ARHGAP36: variants seen among roughly 807,000 people sequenced by gnomAD.
The protein encoded by ARHGAP36 is rho GTPase-activating protein 36.
A neutral mutation model predicts 32.9 loss-of-function variants in ARHGAP36; 7 were observed. The observed-to-expected ratio is 0.21, with a 90% CI of 0.12 to 0.40. The LOEUF (loss-of-function observed/expected upper bound fraction) is 0.40, where lower values mean the gene tolerates loss of function less well. Ranked by LOEUF, ARHGAP36 falls within the 10% of genes least tolerant of loss-of-function variation. The pLI is 1.00. For missense variants in ARHGAP36, 383 were observed against 442.2 expected (o/e 0.87, Z 1.20); for synonymous variants, 165 against 168.3 (o/e 0.98, Z 0.15).
In ARHGAP36 at chrX:131,086,322, C is replaced by T. The variant is rs770715150; in HGVS notation, c.1282-7C>T. ...ATGATGGCTAATGTTGCTAATTCTA[C>T]CCTCAGGTGCCTCCCCATATTCAGA... On this transcript the variant is annotated splice_region_variant and splice_polypyrimidine_tract_variant and intron_variant, in intron 9 of 11. Transcript: ENST00000276211. 8.3e-7 allele frequency: 1 copy of T among 1,209,917 alleles called. No individual in the cohort carries two copies. The highest frequency in any genetic ancestry group is 1.7e-5 in the African/African-American group (1 of 57,714).
At position 131,085,010 on chromosome X, in the gene ARHGAP36, A is replaced by G. The variant is rs2079827005; in HGVS notation, c.901A>G (p.Met301Val). 1 of 1,211,625 alleles carries G rather than the reference A, an allele frequency of 8.3e-7. No homozygotes were observed. Among genetic ancestry groups the G allele is most frequent in the East Asian group, 3.0e-5 (1 of 33,821 alleles). ...AALLKEFFRD[M>V]KDSLLPDDLY... ...ACTCCTCAAGGAGTTTTTCCGTGAC[A>G]TGAAGGATTCTCTGCTGCCAGATGA... The change falls in exon 7 of 12, where the codon ATG (methionine) becomes GTG (valine). Residue 301 changes from methionine (M) to valine (V), a missense_variant. Physicochemically the swap from Met to Val is conservative, Grantham distance 21. Transcript: ENST00000276211.
rs767544389 is a variant in ARHGAP36, at chrX:131,081,626, C to T, written c.-40C>T. On this transcript the variant is annotated 5_prime_UTR_variant, in exon 2 of 12. Transcript: ENST00000276211. ...TAGTTCTCTCCACCAGGTCCAGTGA[C>T]AATTGGATGATGCAGCCTTGATAAT... The T allele has an allele frequency of 8.3e-6, 9 of 1,089,717 alleles. No individual in the cohort carries two copies. The South Asian group carries it at 1.7e-4, about 21-fold the overall frequency. The allele number at this position is 1,089,717 out of a possible 1,213,427, so 89.8% of individuals were successfully genotyped here.
intron 6 of ARHGAP36, 61 bp from the exon 7 acceptor site, chrX:131,084,853 A>C (rs758632079): frequency 8.4e-7 from 1 of 1,193,327 alleles, no homozygotes; most frequent in Non-Finnish European, 1.1e-6. Flanking sequence ...CTGTTGAAGG[A>C]ATGACCAAGA....
rs1485970316 is a variant in ARHGAP36 at position 131,081,796 on chromosome X, A to G, written c.131A>G (p.Asp44Gly). The G allele has an allele frequency of 4.1e-6, 5 of 1,210,186 alleles. No individual in the cohort carries two copies. In the East Asian group the frequency reaches 1.5e-4, roughly 36 times the overall value. Residue 44 changes from aspartate (D) to glycine (G), a missense_variant, in exon 2 of 12, where the codon GAC becomes GGC. Transcript: ENST00000276211. The part of the protein sequence containing the change: ...VLGGAPGHNP[D>G]RRTKMVSIHS... ...GGAGGAGCCCCAGGACACAACCCCG[A>G]CCGCAGGACGAAGATGGTATCGATA...
intron 11 of ARHGAP36, among the ~76,000 whole-genome samples, chrX:131,088,326 G>A (rs770704905): frequency 1.8e-5 from 2 of 111,993 alleles, no homozygotes; most frequent in African/African-American, 3.2e-5. Flanking sequence ...TTAGGAGGTC[G>A]CCCTCTTACC....
intron 1 of ARHGAP36, among the ~76,000 whole-genome samples, chrX:131,062,447 G>A (rs1431376000): frequency 9.0e-6 from 1 of 111,039 alleles, no homozygotes; most frequent in East Asian, 2.8e-4. Context: ...CCTAATTTTA[G>A]TTTAAATGTA....
At chrX:131,063,360 C>G (rs1450595345) in intron 1 of ARHGAP36, among the ~76,000 whole-genome samples, 1 of 111,584 alleles carries the variant, frequency 9.0e-6, no homozygotes, top group Non-Finnish European at 1.9e-5. Flanking sequence ...ATATCTGGAA[C>G]CCCTGCTCTA....
chrX:131,083,725 G>C lies in ARHGAP36; in HGVS notation c.320-9G>C. On this transcript the variant is annotated splice_polypyrimidine_tract_variant and intron_variant, in intron 3 of 11. Transcript: ENST00000276211. ...GACGTTTCTCATTCTTTCTCTCGTGGCTCCCCAGCTGTATCACACAAGACA... is the reference window on the plus strand; with the variant it reads ...GACGTTTCTCATTCTTTCTCTCGTGCCTCCCCAGCTGTATCACACAAGACA... The C allele has an allele frequency of 8.3e-7, 1 of 1,203,489 alleles. No individual in the cohort carries two copies. Among genetic ancestry groups the C allele is most frequent in the Non-Finnish European group, 1.1e-6 (1 of 888,297 alleles).
intron 7 of ARHGAP36, among the ~76,000 whole-genome samples, chrX:131,085,381 G>A (rs762649518): frequency 1.8e-5 from 2 of 108,955 alleles, no homozygotes; most frequent in Admixed American, 1.9e-4. Context: ...AACCACCCAG[G>A]TTCTGTAGAG....
chrX:131,083,154 T>C lies in ARHGAP36; in HGVS notation c.254-11T>C, dbSNP rs765846360. 5.0e-6 allele frequency: 6 copies of C among 1,207,042 alleles called. No homozygotes were observed. Among genetic ancestry groups the C allele is most frequent in the African/African-American group, 3.5e-5 (2 of 57,368 alleles). On this transcript the variant is annotated splice_polypyrimidine_tract_variant and intron_variant, in intron 2 of 11. Transcript: ENST00000276211. ...TTGTAAGTGTATCTTTTCTTTTTTC[T>C]CTTTCTGTAGCTCTGCCTATTGACC... is the stretch of plus-strand genomic sequence containing the variant.
At chrX:131,083,270 A>T (rs1370106912) in intron 3 of ARHGAP36, 40 bp downstream of exon 3, 1 of 1,158,535 alleles carries the variant, frequency 8.6e-7, no homozygotes, top group East Asian at 3.0e-5. Flanking sequence ...AAGAAATAGA[A>T]TGCTAACCCC....
At chrX:131,075,884 C>T (rs1178914793) in intron 1 of ARHGAP36, among the ~76,000 whole-genome samples, 1 of 111,221 alleles carries the variant, frequency 9.0e-6, no homozygotes, top group African/African-American at 3.3e-5. Context: ...GTTCCCAGAT[C>T]ATATTCCTCC....
At chrX:131,077,764 CATATATATATATATATAT>C (rs72142237) in intron 1 of ARHGAP36, among the ~76,000 whole-genome samples, 23 of 87,026 alleles carry the variant, frequency 2.6e-4, no homozygotes, top group East Asian at 8.0e-4. Context: ...CAAATAAAAT[CATATATATATATATATAT>C]ATATATATAT....
intron 1 of ARHGAP36, among the ~76,000 whole-genome samples, chrX:131,064,506 C>A (rs2079686965): frequency 8.9e-6 from 1 of 111,994 alleles, no homozygotes; most frequent in Admixed American, 9.4e-5. Context: ...AATTAACTAA[C>A]CTTTTCTTAA....
chrX:131,084,635 C>T lies in ARHGAP36; in HGVS notation c.758C>T (p.Ala253Val), dbSNP rs2079824494. ...CQFIEKHGLSAVGIFTLEYSV... is the reference protein window; with the variant it reads ...CQFIEKHGLSVVGIFTLEYSV... ...TGGTCTTTTCTTTCAGGCTTAAGCG[C>T]AGTGGGGATTTTTACCCTTGAATAC... The change falls in exon 6 of 12, where the codon GCA becomes GTA. Residue 253 changes from alanine to valine, a missense_variant. By Grantham distance (64) the Ala-to-Val change is moderately conservative. Around this residue, in one of 2 missense-constraint regions of ARHGAP36, gnomAD observed 227 missense variants for 311.3 expected, o/e 0.73. Coordinates refer to ENST00000276211, the MANE Select transcript of ARHGAP36 (RefSeq NM_144967.4). The T allele has an allele frequency of 8.3e-7, 1 of 1,211,625 alleles. No homozygotes were observed. Among genetic ancestry groups the T allele is most frequent in the Non-Finnish European group, 1.1e-6 (1 of 895,387 alleles).
Position 131,088,962 on chromosome X carries a change from A to G in ARHGAP36, c.*177A>G. 1 of 628,236 alleles carries G rather than the reference A, an allele frequency of 1.6e-6. No homozygotes were observed. Among genetic ancestry groups the G allele is most frequent in the Non-Finnish European group, 2.3e-6 (1 of 439,259 alleles). The allele number at this position is 628,236 out of a possible 1,213,427, so 51.8% of individuals were successfully genotyped here. On this transcript the variant is annotated 3_prime_UTR_variant, in exon 12 of 12. Coordinates refer to ENST00000276211, the MANE Select transcript of ARHGAP36 (RefSeq NM_144967.4). ...CACACTGCCAGCCCCTTCACTGGGG[A>G]TGCTTGGTCTCTTCTGCTGGTAAAA...
intron 1 of ARHGAP36, among the ~76,000 whole-genome samples, chrX:131,065,226 A>G (rs2079692184): frequency 8.9e-6 from 1 of 112,107 alleles, no homozygotes; most frequent in Non-Finnish European, 1.9e-5. Context: ...TTGGAGACAT[A>G]GCCTGGAGCT....
intron 5 of ARHGAP36, 69 bp downstream of exon 5, chrX:131,084,476 G>A: frequency 8.7e-7 from 1 of 1,153,019 alleles, no homozygotes. Context: ...CTGGAAATGG[G>A]GGGAGAAAAG....
intron 1 of ARHGAP36, 111 bp from the exon 2 acceptor site, chrX:131,081,413 T>G: frequency 1.7e-6 from 1 of 590,919 alleles, no homozygotes; most frequent in Middle Eastern, 6.6e-4. Flanking sequence ...CTTTTATTTT[T>G]TCTTCTTATT....
Sources: allele counts gnomAD v4.1 joint callset (sites outside exome capture counted in the v4.1 genomes callset), GRCh38; gene constraint gnomAD v4.1.1; regional missense constraint gnomAD v4.1.1; transcripts MANE v1.5; gene names NCBI Gene and HGNC (gene_info 2026-07-23, HGNC 2026-07-21).